Variants in CSPG5 observed in about 807,000 individuals in gnomAD.
CSPG5 encodes chondroitin sulfate proteoglycan 5.
Under a neutral mutation model 39.8 loss-of-function variants are expected in CSPG5, and 25 were observed. That is an observed-to-expected ratio of 0.63 (90% CI 0.46 to 0.88). The LOEUF (loss-of-function observed/expected upper bound fraction) is 0.88, where lower values mean the gene tolerates loss of function less well. Among genes scored for constraint, CSPG5 ranks in the 40% least tolerant of loss-of-function variants. CSPG5 has a pLI of 0.00. For synonymous variants in CSPG5, 295 were observed against 303.9 expected (o/e 0.97, Z 0.31); for missense variants, 627 against 702.2 (o/e 0.89, Z 1.21).
intron 2 of CSPG5, among the ~76,000 whole-genome samples, chr3:47,573,793 T>C (rs1192750644): frequency 6.6e-6 from 1 of 152,114 alleles, no homozygotes; most frequent in East Asian, 1.9e-4. Context: ...TGGGGAGACA[T>C]GGCTAGCAAG....
intron 4 of CSPG5, 140 bp downstream of exon 4, chr3:47,569,012 A>G: frequency 9.4e-6 from 13 of 1,382,040 alleles, no homozygotes; most frequent in African/African-American, 1.5e-5. Context: ...AATAGACATC[A>G]GACATGGGCC....
Position 47,562,537 on chromosome 3 carries a change from G to C in CSPG5, c.*63C>G. 1 of 1,440,980 alleles carries C rather than the reference G, an allele frequency of 6.9e-7. No individual in the cohort carries two copies. Among genetic ancestry groups the C allele is most frequent in the Non-Finnish European group, 9.6e-7 (1 of 1,036,704 alleles). The allele number at this position is 1,440,980 out of a possible 1,614,324, so 89.3% of individuals were successfully genotyped here. On this transcript the variant is annotated 3_prime_UTR_variant, in exon 5 of 5. Coordinates refer to ENST00000264723, the MANE Select transcript of CSPG5 (RefSeq NM_006574.4). Reference sequence around the variant, plus strand: ...ACAAGAAATAGACTCTGTACAAGAGGAGATAATGTTTCTTCCCCTACCCCC... The same window carrying C: ...ACAAGAAATAGACTCTGTACAAGAGCAGATAATGTTTCTTCCCCTACCCCC...
intron 3 of CSPG5, among the ~76,000 whole-genome samples, chr3:47,570,134 A>G (rs974802875): frequency 7.3e-5 from 11 of 151,454 alleles, no homozygotes; most frequent in Admixed American, 2.6e-4. Flanking sequence ...AGAATATGTC[A>G]GTGTGTTATA....
chr3:47,565,657 G>A (rs1398490038), intron 4 of CSPG5, among the ~76,000 whole-genome samples: 1 of 148,096 alleles, frequency 6.8e-6, no homozygotes, highest in Non-Finnish European at 1.5e-5. Flanking sequence ...AGAAGAGTCT[G>A]GAGAGTAGGA....
rs1306746783 is a variant in CSPG5, at chr3:47,578,149, G to C, written c.98-221C>G. The C allele has an allele frequency of 2.9e-6, 2 of 699,898 alleles. No individual in the cohort carries two copies. The highest frequency in any genetic ancestry group is 4.0e-6 in the Non-Finnish European group (2 of 502,274). 43.4% of individuals were successfully genotyped at this position (699,898 alleles called of 1,614,324 possible). ...AGGATCACACCCCGCCCAACGCCTCGCGGCTCGGCCCCGCCCGACCTGCCC... is the reference window on the plus strand; with the variant it reads ...AGGATCACACCCCGCCCAACGCCTCCCGGCTCGGCCCCGCCCGACCTGCCC... On this transcript the variant is annotated intron_variant, in intron 1 of 4. Transcript: ENST00000264723. This position sits in a 1 kb window ranked among gnomAD's most constrained non-coding sequence, Gnocchi z 6.0.
intron 2 of CSPG5, among the ~76,000 whole-genome samples, chr3:47,576,615 C>T (rs1000320632): frequency 3.9e-5 from 6 of 152,214 alleles, no homozygotes; most frequent in East Asian, 3.9e-4. Flanking sequence ...CCTGCCACCG[C>T]GCCCAGCTAA....
At position 47,578,583 on chromosome 3, in the gene CSPG5, G is replaced by T. The variant is rs1225768759; in HGVS notation, c.97+14C>A. 3 of 1,059,130 alleles carry T rather than the reference G, an allele frequency of 2.8e-6. No individual in the cohort carries two copies. The highest frequency in any genetic ancestry group is 4.8e-5 in the Admixed American group (1 of 20,980). The allele number at this position is 1,059,130 out of a possible 1,614,324, so 65.6% of individuals were successfully genotyped here. A position where few individuals can be genotyped will look rare whatever the true frequency, so the allele number is the denominator to read the frequency against. On this transcript the variant is annotated intron_variant, in intron 1 of 4. Transcript: ENST00000264723. The surrounding 1 kb of genome is among the most constrained non-coding windows in gnomAD (Gnocchi z 6.0). ...CACGAGGGCCGCGGGGGTCCCGGGC[G>T]CAGTCATACCTACCCGGCACGGCCC...
At chr3:47,564,026 G>A (rs1473760654) in intron 4 of CSPG5, among the ~76,000 whole-genome samples, 4 of 152,142 alleles carry the variant, frequency 2.6e-5, no homozygotes, top group Non-Finnish European at 4.4e-5. Context: ...TCTTTCTCTG[G>A]TGCCCCAAAT....
chr3:47,578,557 G>T lies in CSPG5; in HGVS notation c.97+40C>A. ...CAGCGGGACCCCTGCCCTGGGTGGGGCACGAGGGCCGCGGGGGTCCCGGGC... is the reference window on the plus strand; with the variant it reads ...CAGCGGGACCCCTGCCCTGGGTGGGTCACGAGGGCCGCGGGGGTCCCGGGC... On this transcript the variant is annotated intron_variant, in intron 1 of 4. Transcript: ENST00000264723. The surrounding 1 kb of genome is among the most constrained non-coding windows in gnomAD (Gnocchi z 6.0). The T allele has an allele frequency of 1.3e-6, 1 of 755,272 alleles. No homozygotes were observed. Among genetic ancestry groups the T allele is most frequent in the Non-Finnish European group, 1.7e-6 (1 of 576,384 alleles). The allele number at this position is 755,272 out of a possible 1,614,324, so 46.8% of individuals were successfully genotyped here.
chr3:47,569,559 G>T (rs368956474), intron 3 of CSPG5, among the ~76,000 whole-genome samples: 1 of 151,438 alleles, frequency 6.6e-6, no homozygotes, highest in South Asian at 2.1e-4. Context: ...AGCCAAGATC[G>T]TGCCACTGCA....
At position 47,565,956 on chromosome 3, in the gene CSPG5, C is replaced by T. The variant is rs147099357; in HGVS notation, c.1459-3195G>A. On this transcript the variant is annotated intron_variant, in intron 4 of 4. Transcript: ENST00000264723. ...GCTGGTTGCTCAGCTACGCAAGACACTCACACAGACTCAGCCTAAGGCCCA... is the reference window on the plus strand; with the variant it reads ...GCTGGTTGCTCAGCTACGCAAGACATTCACACAGACTCAGCCTAAGGCCCA... Among the ~76,000 whole-genome samples the T allele has an allele frequency of 3.1e-4, 47 of 152,326 alleles. No homozygotes were observed. In the East Asian group the frequency reaches 5.6e-3, roughly 18 times the overall value.
Position 47,577,732 on chromosome 3 carries a change from G to T in CSPG5, c.294C>A (p.Thr98=), listed in dbSNP as rs755364149. 3 of 1,579,746 alleles carry T rather than the reference G, an allele frequency of 1.9e-6. No individual in the cohort carries two copies. The Admixed American group carries it at 5.4e-5, about 28-fold the overall frequency. ...CTGGGCTGTCAGCTTCCAGCCAGGC[G>T]GTGCCGGTCACCGCAGCCGACTCCT... ...VLQESAAVTG[T]AWLEADSPGL... The change falls in exon 2 of 5, where the codon ACC becomes ACA. Residue 98 remains threonine (T), a synonymous_variant. Transcript: ENST00000264723. This position sits in a 1 kb window ranked among gnomAD's most constrained non-coding sequence, Gnocchi z 4.7.
chr3:47,569,995 G>A (rs1356206899), intron 3 of CSPG5, among the ~76,000 whole-genome samples: 1 of 152,064 alleles, frequency 6.6e-6, no homozygotes, highest in Non-Finnish European at 1.5e-5. Context: ...CAATCTGCTT[G>A]CCTCAGCCTT....
Position 47,577,186 on chromosome 3 carries a change from C to T in CSPG5, c.840G>A (p.Glu280=), listed in dbSNP as rs2031781879. ...CTGCATCTTTGTCATCCTCCTCTTC[C>T]TCCTCCTCTTCATCCAAGTCATCAT... ...SFYDDLDEEE[E]EEEDDKDAVG... is the part of the protein sequence containing the mutation. Residue 280 remains glutamate (E), a synonymous_variant, in exon 2 of 5, where the codon GAG becomes GAA. Transcript: ENST00000264723. This position sits in a 1 kb window ranked among gnomAD's most constrained non-coding sequence, Gnocchi z 4.7. 5.6e-6 allele frequency: 9 copies of T among 1,609,272 alleles called. No individual in the cohort carries two copies. The highest frequency in any genetic ancestry group is 1.3e-5 in the African/African-American group (1 of 74,862).
rs1241268673 is a variant in CSPG5 at position 47,577,689 on chromosome 3, C to T, written c.337G>A (p.Ala113Thr). ...ADSPGLGGVT[A>T]EAGSGDAQAL... ...TGGGCATCGCCGCTGCCCGCCTCTGCGGTCACTCCTCCCAGGCCTGGGCTG... is the reference window on the plus strand; with the variant it reads ...TGGGCATCGCCGCTGCCCGCCTCTGTGGTCACTCCTCCCAGGCCTGGGCTG... Residue 113 changes from alanine to threonine, a missense_variant, in exon 2 of 5, where the codon GCA (alanine) becomes ACA (threonine). Ala to Thr is a moderately conservative substitution (Grantham distance 58). Transcript: ENST00000264723. This position sits in a 1 kb window ranked among gnomAD's most constrained non-coding sequence, Gnocchi z 4.7. The T allele has an allele frequency of 6.3e-6, 10 of 1,591,978 alleles. No individual in the cohort carries two copies. The highest frequency in any genetic ancestry group is 1.3e-5 in the African/African-American group (1 of 74,570).
In CSPG5 at chr3:47,577,978, G is replaced by T; in HGVS notation, c.98-50C>A. The T allele has an allele frequency of 7.3e-7, 1 of 1,370,306 alleles. No individual in the cohort carries two copies. The highest frequency in any genetic ancestry group is 1.8e-5 in the South Asian group (1 of 56,442). The allele number at this position is 1,370,306 out of a possible 1,614,324, so 84.9% of individuals were successfully genotyped here. ...GGACGTCAGGGCGGCGCGCTGAGGA[G>T]CCCTGGAGCCCCGGCCCGCCCCGGT... On this transcript the variant is annotated intron_variant, in intron 1 of 4. Transcript: ENST00000264723. The surrounding 1 kb of genome is among the most constrained non-coding windows in gnomAD (Gnocchi z 4.7).
rs1204261412 is a variant in CSPG5, at chr3:47,577,582, C to T, written c.444G>A (p.Glu148=). 10 of 1,611,312 alleles carry T rather than the reference C, an allele frequency of 6.2e-6. No individual in the cohort carries two copies. Among genetic ancestry groups the T allele is most frequent in the Non-Finnish European group, 8.5e-6 (10 of 1,179,464 alleles). ...IMPPAIPEAT[E]ASGPPSPTPG... is the part of the protein sequence containing the mutation. ...GGGTGGGGGAGGGTGGCCCGCTGGC[C>T]TCTGTAGCCTCAGGAATGGCAGGGG... Residue 148 remains glutamate, a synonymous_variant, in exon 2 of 5, where the codon GAG becomes GAA. Transcript: ENST00000264723. The surrounding 1 kb of genome is among the most constrained non-coding windows in gnomAD (Gnocchi z 4.7).
chr3:47,578,106 G>T lies in CSPG5; in HGVS notation c.98-178C>A. On this transcript the variant is annotated intron_variant, in intron 1 of 4. Transcript: ENST00000264723. The surrounding 1 kb of genome is among the most constrained non-coding windows in gnomAD (Gnocchi z 6.0). ...CCCGGTACCTCTAAGCCCCGTCCCGGAGTCTGCCCCCAAGACGAGGATCAC... is the reference window on the plus strand; with the variant it reads ...CCCGGTACCTCTAAGCCCCGTCCCGTAGTCTGCCCCCAAGACGAGGATCAC... The T allele has an allele frequency of 1.0e-6, 1 of 984,886 alleles. No homozygotes were observed. The highest frequency in any genetic ancestry group is 1.3e-6 in the Non-Finnish European group (1 of 754,878). 61.0% of individuals were successfully genotyped at this position (984,886 alleles called of 1,614,324 possible).
rs2280567 is a variant in CSPG5 at position 47,572,923 on chromosome 3, G to A, written c.1194-49C>T. On this transcript the variant is annotated intron_variant, in intron 2 of 4. Transcript: ENST00000264723. This position sits in a 1 kb window ranked among gnomAD's most constrained non-coding sequence, Gnocchi z 4.5. ...CGTGGCGATGGAGCAGGCAGCCACG[G>A]CCACAGTAAGGGCCTGGGCCCTGAC... 989,576 of 1,550,266 alleles carry A rather than the reference G, an allele frequency of 0.64. 321,604 individuals carry two copies. Among genetic ancestry groups the A allele is most frequent in the Non-Finnish European group, 0.67 (761,463 of 1,137,440 alleles).
Sources: gnomAD v4.1 joint callset for allele counts (sites outside exome capture counted in the v4.1 genomes callset) on GRCh38, gnomAD v4.1.1 for gene constraint, Gnocchi (gnomAD v3.1) non-coding constraint, MANE v1.5 for transcripts, NCBI Gene and HGNC (gene_info 2026-07-23, HGNC 2026-07-21) for gene names.